Variants in KRT82 observed in about 807,000 individuals in gnomAD.
The protein encoded by KRT82 is keratin 82, also known as keratin, type II cuticular Hb2.
In KRT82, 44 loss-of-function variants were observed where a neutral mutation model predicts 48.0. The ratio of observed to expected loss-of-function variants is 0.92; its 90% confidence interval spans 0.72 to 1.18. The LOEUF is 1.18. Ranked by LOEUF, KRT82 falls within the 50% of genes most tolerant of loss-of-function variation. KRT82 has a pLI of 0.00. For synonymous variants in KRT82, 297 were observed against 278.3 expected (o/e 1.07, Z -0.67); for missense variants, 701 against 671.4 (o/e 1.04, Z -0.49).
At chr12:52,395,662 G>T in intron 8 of KRT82, 97 bp downstream of exon 8, 1 of 839,084 alleles carries the variant, frequency 1.2e-6, no homozygotes, top group Non-Finnish European at 1.9e-6. Flanking sequence ...GGTAGGGGAG[G>T]CATCAGAGGT....
chr12:52,400,578 G>A lies in KRT82; in HGVS notation c.726C>T (p.Asn242=), dbSNP rs370016325. ...CGATCTCCTGCACGAGTGCCTCTGC[G>A]TTGGTCTCCAGGTCAGCCTTCATCA... ...AFLMKADLET[N]AEALVQEIDF... is the part of the protein sequence containing the mutation. Residue 242 remains asparagine, a synonymous_variant, in exon 4 of 9, where the codon AAC becomes AAT. Coordinates refer to ENST00000257974, the MANE Select transcript of KRT82 (RefSeq NM_033033.4). 44 of 1,613,964 alleles carry A rather than the reference G, an allele frequency of 2.7e-5. No individual in the cohort carries two copies. Among genetic ancestry groups the A allele is most frequent in the South Asian group, 1.2e-4 (11 of 91,092 alleles).
intron 4 of KRT82, 27 bp downstream of exon 4, chr12:52,400,500 A>G (rs761242929): frequency 6.4e-7 from 1 of 1,562,838 alleles, no homozygotes. Context: ...GCCCTGACTA[A>G]CCACCCAAGG....
chr12:52,394,713 C>G lies in KRT82; in HGVS notation c.*262G>C. ...GTTATTGCCATTCTGCGGTTAAGAGCAATGCATGCTCTTTCTCTGCCGTCT... is the reference window on the plus strand; with the variant it reads ...GTTATTGCCATTCTGCGGTTAAGAGGAATGCATGCTCTTTCTCTGCCGTCT... On this transcript the variant is annotated 3_prime_UTR_variant, in exon 9 of 9. Coordinates refer to ENST00000257974, the MANE Select transcript of KRT82 (RefSeq NM_033033.4). 2 of 554,834 alleles carry G rather than the reference C, an allele frequency of 3.6e-6. No individual in the cohort carries two copies. The highest frequency in any genetic ancestry group is 6.5e-6 in the Non-Finnish European group (2 of 308,346). 34.4% of individuals were successfully genotyped at this position (554,834 alleles called of 1,614,324 possible).
In KRT82 at chr12:52,396,941, AG is replaced by A. The variant is rs1185028783; in HGVS notation, c.1009del (p.Leu337TrpfsTer3). The A allele has an allele frequency of 6.2e-7, 1 of 1,613,950 alleles. No homozygotes were observed. Among genetic ancestry groups the A allele is most frequent in the Non-Finnish European group, 8.5e-7 (1 of 1,180,026 alleles). On this transcript the variant is annotated frameshift_variant, in exon 6 of 9. Transcript: ENST00000257974. LOFTEE classifies it high-confidence loss of function. ...CCGCTGGATCAGTTTATTCATTTCC[AG>A]GATCTCGTTCTTACGGTTGCGGAGG... ...DNLRNRKNEILEMNKLIQRLQ... is the reference protein window; with the variant it reads ...DNLRNRKNEIXEMNKLIQRLQ...
intron 3 of KRT82, 136 bp from the exon 4 acceptor site, chr12:52,400,758 GA>G (rs35049396): frequency 1.4e-5 from 9 of 636,522 alleles, no homozygotes; most frequent in Middle Eastern, 3.3e-4. Context: ...CCGAGGTGGG[GA>G]AAAAGGGGTC....
At chr12:52,399,390 T>C (rs1177390553) in intron 5 of KRT82, among the ~76,000 whole-genome samples, 1 of 152,254 alleles carries the variant, frequency 6.6e-6, no homozygotes, top group African/African-American at 2.4e-5. Flanking sequence ...ACGTGGTTGA[T>C]GCTGAATACA....
In KRT82 at chr12:52,395,168, A is replaced by C. The variant is rs758587799; in HGVS notation, c.1349T>G (p.Leu450Arg). ...CGTGCTGACCCCACATGGCTCGTAC[A>C]GGAAGGCGCCTTTGGAGCTGCTCAC... The part of the protein sequence containing the change: ...ISVSSSKGAF[L>R]YEPCGVSTPV... The change falls in exon 9 of 9, where the codon CTG becomes CGG. Residue 450 changes from leucine (L) to arginine (R), a missense_variant. Leu to Arg is a moderately radical substitution (Grantham distance 102). Coordinates refer to ENST00000257974, the MANE Select transcript of KRT82 (RefSeq NM_033033.4). The C allele has an allele frequency of 6.2e-7, 1 of 1,613,956 alleles. No individual in the cohort carries two copies. The highest frequency in any genetic ancestry group is 1.1e-5 in the South Asian group (1 of 91,068).
rs148176288 is a variant in KRT82, at chr12:52,401,207, G to A, written c.681+82C>T. ...TTCAGAGTGGGTGGGCTGCAGACAC[G>A]TTTGGACTGAGTTCAGGGCTAGGTG... On this transcript the variant is annotated intron_variant, in intron 3 of 8. Transcript: ENST00000257974. The A allele has an allele frequency of 1.7e-4, 205 of 1,200,430 alleles. No homozygotes were observed. The African/African-American group carries it at 2.2e-3, about 13-fold the overall frequency. The allele number at this position is 1,200,430 out of a possible 1,614,324, so 74.4% of individuals were successfully genotyped here. A position where few individuals can be genotyped will look rare whatever the true frequency, so the allele number is the denominator to read the frequency against.
chr12:52,402,613 C>T (rs9739193), intron 2 of KRT82, among the ~76,000 whole-genome samples: 1,793 of 152,336 alleles, frequency 0.012, 41 homozygotes, highest in African/African-American at 0.041. Flanking sequence ...CCTGGACTCC[C>T]GCTCTTTCCC....
In KRT82 at chr12:52,394,670, C is replaced by A; in HGVS notation, c.*305G>T. Reference sequence around the variant, plus strand: ...TCCACAGAGCAGAACTGTGGTGTGCCCATTTGACCTTTTGGGGGTTATTGC... The same window carrying A: ...TCCACAGAGCAGAACTGTGGTGTGCACATTTGACCTTTTGGGGGTTATTGC... On this transcript the variant is annotated 3_prime_UTR_variant, in exon 9 of 9. Coordinates refer to ENST00000257974, the MANE Select transcript of KRT82 (RefSeq NM_033033.4). 2.3e-6 allele frequency: 1 copy of A among 441,440 alleles called. No homozygotes were observed. Among genetic ancestry groups the A allele is most frequent in the South Asian group, 2.4e-5 (1 of 41,128 alleles). 27.3% of individuals were successfully genotyped at this position (441,440 alleles called of 1,614,324 possible).
intron 5 of KRT82, among the ~76,000 whole-genome samples, chr12:52,399,340 G>T (rs1182118028): frequency 6.6e-6 from 1 of 152,246 alleles, no homozygotes; most frequent in African/African-American, 2.4e-5. Flanking sequence ...TGTCTGTTCT[G>T]TTCCCTGCTG....
In KRT82 at chr12:52,406,202, G is replaced by A. The variant is rs202034583; in HGVS notation, c.76C>T (p.Arg26Trp). The A allele has an allele frequency of 5.9e-5, 95 of 1,613,116 alleles. No individual in the cohort carries two copies. Among genetic ancestry groups the A allele is most frequent in the African/African-American group, 2.7e-4 (20 of 74,906 alleles). ...CTCACTGCATAGTGGGTGACCATCC[G>A]GGGCATGACAGCCGAGTATGAGCTG... ...SFSSYSAVMP[R>W]MVTHYAVSKG... The change falls in exon 1 of 9, where the codon CGG becomes TGG. Residue 26 changes from arginine to tryptophan, a missense_variant. Arg to Trp is a moderately radical substitution (Grantham distance 101). Coordinates refer to ENST00000257974, the MANE Select transcript of KRT82 (RefSeq NM_033033.4).
At position 52,403,933 on chromosome 12, in the gene KRT82, C is replaced by T. The variant is rs1429238865; in HGVS notation, c.412-24G>A. On this transcript the variant is annotated intron_variant, in intron 1 of 8. Transcript: ENST00000257974. ...ACCTGCAGCCAAGAATGGAATATCA[C>T]CAGGCAGCAGAGATCCTGGGGACCA... 2.5e-6 allele frequency: 4 copies of T among 1,607,910 alleles called. No homozygotes were observed. In the East Asian group the frequency reaches 6.7e-5, roughly 27 times the overall value.
rs61730590 is a variant in KRT82 at position 52,403,833 on chromosome 12, G to T, written c.488C>A (p.Thr163Asn). The change falls in exon 2 of 9, where the codon ACC (threonine) becomes AAC (asparagine). Residue 163 changes from threonine to asparagine, a missense_variant. Physicochemically the swap from Thr to Asn is moderately conservative, Grantham distance 65. Coordinates refer to ENST00000257974, the MANE Select transcript of KRT82 (RefSeq NM_033033.4). ...NFMQQQRCCQ[T>N]NIEPIFEGYI... ...GCCCTCGAAGATGGGCTCGATGTTGGTCTGGCAGCACCTCTGCTGCTGCAT... is the reference window on the plus strand; with the variant it reads ...GCCCTCGAAGATGGGCTCGATGTTGTTCTGGCAGCACCTCTGCTGCTGCAT... 1 of 1,613,940 alleles carries T rather than the reference G, an allele frequency of 6.2e-7. No homozygotes were observed. Among genetic ancestry groups the T allele is most frequent in the Non-Finnish European group, 8.5e-7 (1 of 1,180,010 alleles).
rs780005214 is a variant in KRT82 at position 52,396,176 on chromosome 12, G to A, written c.1125C>T (p.Leu375=). The A allele has an allele frequency of 1.9e-6, 3 of 1,614,136 alleles. No individual in the cohort carries two copies. Among genetic ancestry groups the A allele is most frequent in the South Asian group, 2.2e-5 (2 of 91,080 alleles). Residue 375 remains leucine (L), a synonymous_variant, in exon 7 of 9, where the codon CTC becomes CTT. Coordinates refer to ENST00000257974, the MANE Select transcript of KRT82 (RefSeq NM_033033.4). ...AEAEQQGEAA[L]NDAKCKLAGL... The stretch of plus-strand genomic sequence containing the variant: ...CTGCCAGCTTGCACTTGGCATCATT[G>A]AGAGCCGCCTCGCCCTGCTGCTCTG...
rs145636336 is a variant in KRT82, at chr12:52,395,143, C to A, written c.1374G>T (p.Thr458=). The part of the protein sequence containing the change: ...AFLYEPCGVS[T]PVLSTGVLRS... ...TGAGGACGCCAGTGCTGAGGACAGGCGTGCTGACCCCACATGGCTCGTACA... is the reference window on the plus strand; with the variant it reads ...TGAGGACGCCAGTGCTGAGGACAGGAGTGCTGACCCCACATGGCTCGTACA... The change falls in exon 9 of 9, where the codon ACG becomes ACT. Residue 458 remains threonine, a synonymous_variant. Coordinates refer to ENST00000257974, the MANE Select transcript of KRT82 (RefSeq NM_033033.4). 8.7e-6 allele frequency: 14 copies of A among 1,613,958 alleles called. No individual in the cohort carries two copies. Among genetic ancestry groups the A allele is most frequent in the African/African-American group, 5.3e-5 (4 of 74,898 alleles).
Position 52,403,799 on chromosome 12 carries a change from G to T in KRT82, c.522C>A (p.Ser174Arg), listed in dbSNP as rs146028432. 3 of 1,613,616 alleles carry T rather than the reference G, an allele frequency of 1.9e-6. No individual in the cohort carries two copies. The highest frequency in any genetic ancestry group is 1.1e-5 in the South Asian group (1 of 91,082). Reference sequence around the variant, plus strand: ...CACAGTCCAGCTGCCGCCGAAGGGCGCTGATATAGCCCTCGAAGATGGGCT... The same window carrying T: ...CACAGTCCAGCTGCCGCCGAAGGGCTCTGATATAGCCCTCGAAGATGGGCT... ...NIEPIFEGYI[S>R]ALRRQLDCVS... The change falls in exon 2 of 9, where the codon AGC (serine) becomes AGA (arginine). Residue 174 changes from serine (S) to arginine (R), a missense_variant. Coordinates refer to ENST00000257974, the MANE Select transcript of KRT82 (RefSeq NM_033033.4).
At chr12:52,405,824 C>A (rs1235685236) in intron 1 of KRT82, 43 bp downstream of exon 1, 1 of 1,557,340 alleles carries the variant, frequency 6.4e-7, no homozygotes, top group Non-Finnish European at 8.7e-7. Context: ...GACCCCAGAT[C>A]TGCAGTGGGT....
intron 1 of KRT82, among the ~76,000 whole-genome samples, chr12:52,405,464 G>A (rs1939839778): frequency 6.6e-6 from 1 of 152,126 alleles, no homozygotes; most frequent in South Asian, 2.1e-4. Context: ...TCACCTTCAG[G>A]CTCAAGAGTT....
Sources: allele counts gnomAD v4.1 joint callset (sites outside exome capture counted in the v4.1 genomes callset), GRCh38; gene constraint gnomAD v4.1.1; transcripts MANE v1.5; gene names NCBI Gene and HGNC (gene_info 2026-07-23, HGNC 2026-07-21).